Variants in FNDC3B observed in about 807,000 individuals in gnomAD.
FNDC3B encodes the protein fibronectin type III domain containing 3B, also known as fibronectin type III domain-containing protein 3B.
FNDC3B carries 12 observed loss-of-function variants against 151.5 expected under a neutral mutation model. That is an observed-to-expected ratio of 0.08 (90% CI 0.05 to 0.13). The LOEUF is 0.13. Among genes scored for constraint, FNDC3B ranks in the 10% least tolerant of loss-of-function variants. The pLI is 1.00. For synonymous variants in FNDC3B, 528 were observed against 549.0 expected (o/e 0.96, Z 0.54); for missense variants, 1,214 against 1,505.3 (o/e 0.81, Z 3.20).
rs140503679 is a variant in FNDC3B, at chr3:172,275,423, T to C, written c.791-10503T>C. ...GCAGGGCTTAAGAGAATCCTTTATT[T>C]TATACAGAAACCGAATAAGTTCCAA... is the stretch of plus-strand genomic sequence containing the variant. On this transcript the variant is annotated intron_variant, in intron 6 of 25. Transcript: ENST00000415807. 2.6e-3 allele frequency among the ~76,000 whole-genome samples: 394 copies of C among 152,300 alleles called. 1 individual carries two copies. Among genetic ancestry groups the C allele is most frequent in the African/African-American group, 8.9e-3 (371 of 41,564 alleles).
intron 1 of FNDC3B, among the ~76,000 whole-genome samples, chr3:172,086,190 G>A (rs139542491): frequency 5.3e-5 from 8 of 152,058 alleles, no homozygotes; most frequent in South Asian, 2.1e-4. Context: ...AAGAGATGAC[G>A]TGTCTACAAT....
intron 17 of FNDC3B, among the ~76,000 whole-genome samples, chr3:172,341,534 A>G (rs1321320028): frequency 6.6e-6 from 1 of 152,160 alleles, no homozygotes; most frequent in East Asian, 1.9e-4. Flanking sequence ...TTGACTAAAT[A>G]AAGGAGACCT....
At chr3:172,286,636 T>C (rs939750625) in intron 7 of FNDC3B, among the ~76,000 whole-genome samples, 1 of 152,220 alleles carries the variant, frequency 6.6e-6, no homozygotes, top group African/African-American at 2.4e-5. Flanking sequence ...CAAACATGCC[T>C]CAGGGTACAT....
At chr3:172,344,546 AAATTTCCTAT>A (rs769956476) in intron 19 of FNDC3B, among the ~76,000 whole-genome samples, 7 of 152,186 alleles carry the variant, frequency 4.6e-5, no homozygotes, top group Admixed American at 1.3e-4. Context: ...AGTTTTTGGA[AAATTTCCTAT>A]TCTATTGACT....
chr3:172,324,192 C>T (rs917603196), intron 11 of FNDC3B, among the ~76,000 whole-genome samples: 3 of 151,972 alleles, frequency 2.0e-5, no homozygotes, highest in African/African-American at 7.3e-5. Context: ...GAGAAAGAGG[C>T]AAAGCCCTTT....
rs200879993 is a variant in FNDC3B, at chr3:172,352,804, C to T, written c.2516C>T (p.Ala839Val). The change falls in exon 22 of 26, where the codon GCC (alanine) becomes GTC (valine). Residue 839 changes from alanine to valine, a missense_variant and splice_region_variant. Transcript: ENST00000415807. The surrounding 1 kb of genome is among the most constrained non-coding windows in gnomAD (Gnocchi z 4.2). ...TTGTCTTGCTGTTCTGTTTTGTAGG[C>T]CTTCAATCAAGCAGGGGCAGGGCCG... Reference protein sequence around the residue: ...PAAQYCCRLQAFNQAGAGPYS... With the variant: ...PAAQYCCRLQVFNQAGAGPYS... The T allele has an allele frequency of 3.7e-6, 6 of 1,612,860 alleles. No homozygotes were observed. The East Asian group carries it at 1.1e-4, about 30-fold the overall frequency.
intron 4 of FNDC3B, among the ~76,000 whole-genome samples, chr3:172,230,912 G>A (rs1459084713): frequency 6.6e-6 from 1 of 152,224 alleles, no homozygotes; most frequent in East Asian, 1.9e-4. Flanking sequence ...TCTTCAGATG[G>A]TTGAATAGGG....
intron 23 of FNDC3B, among the ~76,000 whole-genome samples, chr3:172,365,210 C>T (rs1734553629): frequency 6.6e-6 from 1 of 152,176 alleles, no homozygotes; most frequent in South Asian, 2.1e-4. Context: ...TCTTTAGGAC[C>T]TGGCTTCTGC....
At chr3:172,316,481 T>C (rs9837821) in intron 11 of FNDC3B, 152,266 of 455,574 alleles carry the variant, frequency 0.33, 28,837 homozygotes, top group African/African-American at 0.58. Flanking sequence ...TCTGTTTTAA[T>C]GTTCCTAAAC....
At chr3:172,339,875 G>A (rs771193849) in intron 16 of FNDC3B, among the ~76,000 whole-genome samples, 12 of 152,182 alleles carry the variant, frequency 7.9e-5, no homozygotes, top group Non-Finnish European at 1.2e-4. Flanking sequence ...AATTGCCTTT[G>A]CTATTGCCTT....
intron 1 of FNDC3B, among the ~76,000 whole-genome samples, chr3:172,056,636 A>G (rs1308463182): frequency 6.6e-6 from 1 of 152,176 alleles, no homozygotes; most frequent in Non-Finnish European, 1.5e-5. Flanking sequence ...TGTTATGACT[A>G]TTTGGCTCAA....
intron 3 of FNDC3B, among the ~76,000 whole-genome samples, chr3:172,207,539 G>A (rs1725493448): frequency 1.3e-5 from 2 of 152,176 alleles, no homozygotes; most frequent in South Asian, 2.1e-4. Flanking sequence ...AATAGGCTGA[G>A]GTTTTATTGA....
chr3:172,346,032 A>C (rs1733597335), intron 19 of FNDC3B: 1 of 178,400 alleles, frequency 5.6e-6, no homozygotes, highest in Non-Finnish European at 1.2e-5. Flanking sequence ...TGTTTTGTCA[A>C]AAATCAGCAT....
chr3:172,343,259 G>A, intron 18 of FNDC3B, 143 bp downstream of exon 18: 1 of 596,840 alleles, frequency 1.7e-6, no homozygotes, highest in Admixed American at 2.6e-5. Context: ...TCTTCTTGAA[G>A]TATGTTGACC....
At chr3:172,289,918 A>G (rs777230417) in intron 7 of FNDC3B, among the ~76,000 whole-genome samples, 1 of 152,236 alleles carries the variant, frequency 6.6e-6, no homozygotes, top group South Asian at 2.1e-4. Context: ...GAAAGGTAGG[A>G]TAAGAAATAC....
At chr3:172,059,465 G>T (rs1175500671) in intron 1 of FNDC3B, among the ~76,000 whole-genome samples, 1 of 152,096 alleles carries the variant, frequency 6.6e-6, no homozygotes, top group Non-Finnish European at 1.5e-5. Context: ...AATTTCTCCT[G>T]ATACTCGGCA....
At chr3:172,108,895 A>AT (rs1719816257) in intron 1 of FNDC3B, among the ~76,000 whole-genome samples, 1 of 152,174 alleles carries the variant, frequency 6.6e-6, no homozygotes, top group African/African-American at 2.4e-5. Context: ...TTTTATGATC[A>AT]TTTTAAGGGA....
At chr3:172,329,185 A>G in intron 12 of FNDC3B, 109 bp downstream of exon 12, 1 of 1,286,264 alleles carries the variant, frequency 7.8e-7, no homozygotes, top group East Asian at 2.4e-5. Context: ...ACACTAAATC[A>G]ACTGGAGGTT....
At chr3:172,392,170 A>G (rs1003167561) in intron 25 of FNDC3B, among the ~76,000 whole-genome samples, 1 of 152,206 alleles carries the variant, frequency 6.6e-6, no homozygotes, top group Non-Finnish European at 1.5e-5. Flanking sequence ...AACTGTGAGC[A>G]GTGAGAAAGG....
Sources: gnomAD v4.1 joint callset for allele counts (sites outside exome capture counted in the v4.1 genomes callset) on GRCh38, gnomAD v4.1.1 for gene constraint, Gnocchi (gnomAD v3.1) non-coding constraint, MANE v1.5 for transcripts, NCBI Gene and HGNC (gene_info 2026-07-23, HGNC 2026-07-21) for gene names.